RAD51B: variants seen among roughly 807,000 people sequenced by gnomAD.
RAD51B encodes the protein RAD51 paralog B.
Under a neutral mutation model 42.2 loss-of-function variants are expected in RAD51B, and 38 were observed. The observed-to-expected ratio is 0.90, with a 90% CI of 0.70 to 1.18. The LOEUF is 1.18. Among genes scored for constraint, RAD51B ranks in the 50% most tolerant of loss-of-function variants. The probability of loss-of-function intolerance (pLI) is 0.00; values close to 1 mark genes in which losing one functional copy is unlikely to be tolerated. For missense variants in RAD51B, 373 were observed against 400.7 expected (o/e 0.93, Z 0.59); for synonymous variants, 154 against 145.2 (o/e 1.06, Z -0.43).
At chr14:67,858,806 G>T (rs888687035) in intron 4 of RAD51B, among the ~76,000 whole-genome samples, 1 of 152,142 alleles carries the variant, frequency 6.6e-6, no homozygotes, top group African/African-American at 2.4e-5. Context: ...GCCTCCTGTC[G>T]CTATCATTAG....
intron 9 of RAD51B, among the ~76,000 whole-genome samples, chr14:68,414,011 C>T (rs2084485760): frequency 7.1e-6 from 1 of 141,500 alleles, no homozygotes; most frequent in East Asian, 2.1e-4. Context: ...ATATTTTATC[C>T]CGTTTCTATG....
At chr14:68,243,370 T>C (rs2080431939) in intron 7 of RAD51B, among the ~76,000 whole-genome samples, 1 of 152,250 alleles carries the variant, frequency 6.6e-6, no homozygotes, top group Admixed American at 6.5e-5. Context: ...GAAACAACTT[T>C]CTGCATGTTA....
intron 7 of RAD51B, among the ~76,000 whole-genome samples, chr14:68,078,505 C>G (rs1441596072): frequency 1.3e-5 from 2 of 149,906 alleles, no homozygotes; most frequent in Non-Finnish European, 3.0e-5. Flanking sequence ...TTTTTTTTTT[C>G]CTTCCAAATA....
chr14:68,474,407 G>T (rs78295584), intron 10 of RAD51B, among the ~76,000 whole-genome samples: 4 of 152,140 alleles, frequency 2.6e-5, no homozygotes, highest in African/African-American at 7.2e-5. Context: ...ACTCTAGCCT[G>T]AGTGACAGAG....
intron 7 of RAD51B, among the ~76,000 whole-genome samples, chr14:68,061,284 G>C (rs2076565025): frequency 6.6e-6 from 1 of 151,932 alleles, no homozygotes. Context: ...GGCCAGGCTG[G>C]TCTCAAACTC....
At chr14:68,127,604 AACACAC>A (rs1158570155) in intron 7 of RAD51B, among the ~76,000 whole-genome samples, 1,903 of 133,596 alleles carry the variant, frequency 0.014, 14 homozygotes, top group Non-Finnish European at 0.017. Context: ...TGTACATTGT[AACACAC>A]ACACACACAC....
At chr14:68,304,522 G>C (rs2081819506) in intron 8 of RAD51B, among the ~76,000 whole-genome samples, 1 of 152,204 alleles carries the variant, frequency 6.6e-6, no homozygotes, top group Non-Finnish European at 1.5e-5. Flanking sequence ...GTCATTGTTA[G>C]ATTTGAGAGG....
At chr14:68,044,294 A>T (rs2076263844) in intron 7 of RAD51B, among the ~76,000 whole-genome samples, 1 of 152,246 alleles carries the variant, frequency 6.6e-6, no homozygotes, top group African/African-American at 2.4e-5. Context: ...AATTCTATAA[A>T]TCAGTGTAAG....
intron 8 of RAD51B, among the ~76,000 whole-genome samples, chr14:68,371,053 A>AAAAAAAAAAAAAAAAAAAAAT (rs2083249489): frequency 1.1e-5 from 1 of 88,012 alleles, no homozygotes; most frequent in Non-Finnish European, 2.4e-5. Flanking sequence ...AAAAAAAAAA[A>AAAAAAAAAAAAAAAAAAAAAT]AAGAAAAAAA....
intron 7 of RAD51B, among the ~76,000 whole-genome samples, chr14:68,240,501 C>T (rs2080360110): frequency 6.6e-6 from 1 of 152,184 alleles, no homozygotes; most frequent in Admixed American, 6.5e-5. Context: ...AAAGAAAAGC[C>T]AACTGAAGTT....
chr14:68,400,330 C>T (rs1178110887), intron 8 of RAD51B, among the ~76,000 whole-genome samples: 1 of 152,204 alleles, frequency 6.6e-6, no homozygotes, highest in African/African-American at 2.4e-5. Context: ...GGACATGCCA[C>T]TTTGCACCCT....
intron 8 of RAD51B, among the ~76,000 whole-genome samples, chr14:68,397,822 C>T (rs1300281663): frequency 1.3e-5 from 2 of 152,208 alleles, no homozygotes; most frequent in Non-Finnish European, 2.9e-5. Flanking sequence ...GAAACAAAAA[C>T]GTTCGGGTTC....
chr14:68,510,714 G>A (rs540639372), intron 10 of RAD51B, among the ~76,000 whole-genome samples: 1 of 152,340 alleles, frequency 6.6e-6, no homozygotes, highest in African/African-American at 2.4e-5. Flanking sequence ...GTTTGAGAAT[G>A]TGGAGGCTTT....
intron 7 of RAD51B, among the ~76,000 whole-genome samples, chr14:67,996,055 G>A (rs1181535386): frequency 1.3e-5 from 2 of 152,080 alleles, no homozygotes; most frequent in Admixed American, 6.6e-5. Context: ...ATGGGAGTTT[G>A]GGAGTGTGGG....
At position 67,886,988 on chromosome 14, in the gene RAD51B, T is replaced by G. The variant is rs202221268; in HGVS notation, c.573-33T>G. 4.2e-4 allele frequency: 555 copies of G among 1,320,240 alleles called. 1 individual carries two copies. The highest frequency in any genetic ancestry group is 3.6e-4 in the Non-Finnish European group (351 of 964,882). The allele number at this position is 1,320,240 out of a possible 1,614,324, so 81.8% of individuals were successfully genotyped here. On this transcript the variant is annotated intron_variant, in intron 6 of 10. Coordinates refer to ENST00000471583, the MANE Select transcript of RAD51B (RefSeq NM_133510.4). Reference sequence around the variant, plus strand: ...TTTATTTATTTATTTTATCTTAAATTTATTGACTATTTTATAAATTCTTCT... The same window carrying G: ...TTTATTTATTTATTTTATCTTAAATGTATTGACTATTTTATAAATTCTTCT...
At chr14:68,434,282 A>T (rs1026507650) in intron 9 of RAD51B, among the ~76,000 whole-genome samples, 2 of 152,148 alleles carry the variant, frequency 1.3e-5, no homozygotes, top group African/African-American at 4.8e-5. Context: ...TCAGACAGGG[A>T]CATTTAAGTC....
intron 8 of RAD51B, among the ~76,000 whole-genome samples, chr14:68,406,538 G>A (rs1349980155): frequency 6.6e-6 from 1 of 152,192 alleles, no homozygotes; most frequent in African/African-American, 2.4e-5. Context: ...GACTGGAGTT[G>A]CTCTGGGTCC....
downstream of RAD51B, among the ~76,000 whole-genome samples, chr14:68,478,812 T>G (rs561848826): frequency 3.9e-5 from 6 of 152,140 alleles, no homozygotes; most frequent in Non-Finnish European, 8.8e-5. Context: ...TTGATGAAGA[T>G]TGATGAAGAA....
intron 1 of RAD51B, among the ~76,000 whole-genome samples, chr14:67,820,959 G>A (rs2040607481): frequency 6.6e-6 from 1 of 152,166 alleles, no homozygotes; most frequent in Non-Finnish European, 1.5e-5. Flanking sequence ...TGAGTGAGAA[G>A]GAAGTGAGGG....
Sources: gnomAD v4.1 joint callset for allele counts (sites outside exome capture counted in the v4.1 genomes callset) on GRCh38, gnomAD v4.1.1 for gene constraint, MANE v1.5 for transcripts, NCBI Gene and HGNC (gene_info 2026-07-23, HGNC 2026-07-21) for gene names.